The following PRKG1 variants were observed in gnomAD, a reference collection of about 807,000 sequenced individuals.
PRKG1 encodes protein kinase cGMP-dependent 1.
PRKG1 carries 35 observed loss-of-function variants against 88.1 expected under a neutral mutation model. The observed-to-expected ratio is 0.40, with a 90% CI of 0.30 to 0.53. PRKG1 has a LOEUF of 0.53. Among genes scored for constraint, PRKG1 ranks in the 20% least tolerant of loss-of-function variants. The pLI is 0.59. For missense variants in PRKG1, 540 were observed against 839.8 expected (o/e 0.64, Z 4.41); for synonymous variants, 303 against 292.5 (o/e 1.04, Z -0.37).
At chr10:51,381,289 A>AAAAAAAAAAAAG (rs1837093603) in intron 2 of PRKG1, among the ~76,000 whole-genome samples, 1 of 137,636 alleles carries the variant, frequency 7.3e-6, no homozygotes, top group African/African-American at 2.8e-5. Context: ...AAAAAAAAAA[A>AAAAAAAAAAAAG]AAAAAAAAAA....
At chr10:52,074,764 C>G (rs1159433977) in intron 7 of PRKG1, among the ~76,000 whole-genome samples, 1 of 152,176 alleles carries the variant, frequency 6.6e-6, no homozygotes, top group Non-Finnish European at 1.5e-5. Flanking sequence ...TGTCATTACA[C>G]TAATCACTTC....
At chr10:52,116,095 G>A (rs527882078) in intron 7 of PRKG1, among the ~76,000 whole-genome samples, 68 of 152,030 alleles carry the variant, frequency 4.5e-4, no homozygotes, top group Non-Finnish European at 7.9e-4. Flanking sequence ...GACATGTTTT[G>A]GCAGTTTGCA....
intron 2 of PRKG1, among the ~76,000 whole-genome samples, chr10:51,307,282 C>T (rs1029181797): frequency 4.6e-5 from 7 of 152,122 alleles, no homozygotes; most frequent in Non-Finnish European, 8.8e-5. Context: ...CCAGATACTG[C>T]CCTTAGCTTT....
At chr10:51,109,203 G>T (rs1441931370) in intron 1 of PRKG1, among the ~76,000 whole-genome samples, 1 of 151,964 alleles carries the variant, frequency 6.6e-6, no homozygotes, top group Non-Finnish European at 1.5e-5. Context: ...AACCAAGGAG[G>T]CATATTTGTA....
At chr10:51,191,923 TATC>T (rs973141712) in intron 2 of PRKG1, among the ~76,000 whole-genome samples, 1 of 151,816 alleles carries the variant, frequency 6.6e-6, no homozygotes, top group African/African-American at 2.4e-5. Flanking sequence ...GCAAATAAAG[TATC>T]ATTCTGTGGG....
intron 1 of PRKG1, among the ~76,000 whole-genome samples, chr10:51,146,965 A>G (rs1326680393): frequency 1.3e-5 from 2 of 152,188 alleles, no homozygotes; most frequent in Admixed American, 6.5e-5. Context: ...ATTTAGCCAT[A>G]AAAAAGAATG....
intron 2 of PRKG1, among the ~76,000 whole-genome samples, chr10:51,383,250 G>A (rs1408447493): frequency 1.3e-5 from 2 of 151,988 alleles, no homozygotes; most frequent in African/African-American, 4.8e-5. Context: ...GAGTTTACAG[G>A]TGTGGAAGCC....
At chr10:51,225,541 A>G (rs1838669727) in intron 2 of PRKG1, among the ~76,000 whole-genome samples, 3 of 152,188 alleles carry the variant, frequency 2.0e-5, no homozygotes, top group Non-Finnish European at 4.4e-5. Flanking sequence ...AAAGGGAAGC[A>G]TATTTTAGCT....
At chr10:52,171,125 GTTTTTTTTTTTTTTGGTTTTGTT>G (rs1470768824) in intron 9 of PRKG1, among the ~76,000 whole-genome samples, 1 of 79,950 alleles carries the variant, frequency 1.3e-5, no homozygotes, top group Non-Finnish European at 4.1e-5. Context: ...TTATTGGTGT[GTTTTTTTTTTTTTTGGTTTTGTT>G]TTTTTTTTTG....
intron 2 of PRKG1, among the ~76,000 whole-genome samples, chr10:51,256,832 T>C (rs12257529): frequency 0.022 from 3,416 of 152,042 alleles, 124 homozygotes; most frequent in African/African-American, 0.078. Flanking sequence ...GGATAAGACG[T>C]TGGACTATGG....
At chr10:51,782,866 T>G (rs976793154) in intron 3 of PRKG1, among the ~76,000 whole-genome samples, 6 of 152,124 alleles carry the variant, frequency 3.9e-5, no homozygotes, top group Non-Finnish European at 5.9e-5. Context: ...CATTTTCTTT[T>G]GTAAATTGCC....
chr10:51,446,933 A>G (rs1839290189), intron 2 of PRKG1, among the ~76,000 whole-genome samples: 1 of 152,072 alleles, frequency 6.6e-6, no homozygotes, highest in Non-Finnish European at 1.5e-5. Context: ...AGACCCACCC[A>G]TGATAAAGAG....
chr10:51,509,811 C>T (rs1340419207), intron 3 of PRKG1, among the ~76,000 whole-genome samples: 2 of 152,108 alleles, frequency 1.3e-5, no homozygotes, highest in Non-Finnish European at 2.9e-5. Context: ...CATGACTGAA[C>T]AATGTGAAAT....
intron 1 of PRKG1, among the ~76,000 whole-genome samples, chr10:51,048,724 A>G (rs933087585): frequency 6.6e-6 from 1 of 152,208 alleles, no homozygotes; most frequent in Admixed American, 6.5e-5. Flanking sequence ...TTTCCAAAAG[A>G]GAGTAATAAT....
chr10:51,519,308 A>T (rs570317720), intron 3 of PRKG1, among the ~76,000 whole-genome samples: 2 of 152,306 alleles, frequency 1.3e-5, no homozygotes, highest in Admixed American at 6.5e-5. Context: ...AGTAAGGTAG[A>T]TATTTCCCAT....
At chr10:52,066,587 T>TGG (rs962691993) in intron 7 of PRKG1, among the ~76,000 whole-genome samples, 2 of 152,058 alleles carry the variant, frequency 1.3e-5, no homozygotes, top group Non-Finnish European at 2.9e-5. Flanking sequence ...CGCTTGACCA[T>TGG]GGGGGGCAGG....
intron 4 of PRKG1, among the ~76,000 whole-genome samples, chr10:51,871,273 C>T (rs1841150818): frequency 1.3e-5 from 2 of 152,160 alleles, no homozygotes; most frequent in Non-Finnish European, 2.9e-5. Context: ...TGTATGGTCA[C>T]TGTTAGTAGA....
intron 3 of PRKG1, among the ~76,000 whole-genome samples, chr10:51,648,951 C>T (rs138383370): frequency 0.036 from 5,437 of 152,180 alleles, 137 homozygotes; most frequent in South Asian, 0.1. Context: ...TGCCTATAAT[C>T]CCAACACTTT....
At chr10:51,947,269 G>A (rs949675813) in intron 5 of PRKG1, among the ~76,000 whole-genome samples, 1 of 152,188 alleles carries the variant, frequency 6.6e-6, no homozygotes, top group Non-Finnish European at 1.5e-5. Context: ...CTCGGAGCCA[G>A]GTGTGGGATA....
Sources: allele counts gnomAD v4.1 joint callset (sites outside exome capture counted in the v4.1 genomes callset), GRCh38; gene constraint gnomAD v4.1.1; transcripts MANE v1.5; gene names NCBI Gene and HGNC (gene_info 2026-07-23, HGNC 2026-07-21).